The following GAREM1 variants were observed in gnomAD, a reference collection of about 807,000 sequenced individuals.
The protein encoded by GAREM1 is GRB2-associated and regulator of MAPK protein 1.
GAREM1 carries 26 observed loss-of-function variants against 71.3 expected under a neutral mutation model. The ratio of observed to expected loss-of-function variants is 0.36; its 90% CI spans 0.27 to 0.51. The LOEUF is 0.51. Among genes scored for constraint, GAREM1 ranks in the 20% least tolerant of loss-of-function variants. GAREM1 has a pLI of 0.95. For synonymous variants in GAREM1, 440 were observed against 433.2 expected, an observed-to-expected ratio of 1.02 and a Z score of -0.20; for missense variants, 1,026 against 1,103.1, an observed-to-expected ratio of 0.93 and a Z score of 0.99.
At chr18:32,434,997 C>T (rs1039512341) in intron 1 of GAREM1, among the ~76,000 whole-genome samples, 7 of 152,038 alleles carry the variant, frequency 4.6e-5, no homozygotes, top group African/African-American at 1.7e-4. Context: ...CACAATGCAC[C>T]GGGAAGAGCG....
chr18:32,379,705 TAA>T (rs1212821363), intron 2 of GAREM1, among the ~76,000 whole-genome samples: 2 of 140,396 alleles, frequency 1.4e-5, no homozygotes, highest in Admixed American at 7.1e-5. Context: ...ACTTGGTCTT[TAA>T]AAAAAAAAAA....
chr18:32,446,459 A>T (rs1420200879), intron 1 of GAREM1, among the ~76,000 whole-genome samples: 2 of 152,200 alleles, frequency 1.3e-5, no homozygotes, highest in Non-Finnish European at 2.9e-5. Context: ...ACTTCTGAGA[A>T]TCTAAGAGGG....
intron 2 of GAREM1, among the ~76,000 whole-genome samples, chr18:32,356,545 A>G (rs113339451): frequency 7.7e-4 from 117 of 152,312 alleles, no homozygotes; most frequent in African/African-American, 2.5e-3. Context: ...TCCTAAATAC[A>G]TAATAATAAC....
chr18:32,309,841 T>C (rs552533290), intron 3 of GAREM1, among the ~76,000 whole-genome samples: 1 of 152,270 alleles, frequency 6.6e-6, no homozygotes, highest in South Asian at 2.1e-4. Context: ...TTTGGTATTA[T>C]TTAGTTTCAT....
rs2047029455 is a variant in GAREM1, at chr18:32,287,228, A to G, written c.1369T>C (p.Trp457Arg). The G allele has an allele frequency of 6.2e-7, 1 of 1,614,208 alleles. No individual in the cohort carries two copies. Among genetic ancestry groups the G allele is most frequent in the African/African-American group, 1.3e-5 (1 of 75,068 alleles). The change falls in exon 4 of 6, where the codon TGG becomes CGG. Residue 457 changes from tryptophan (W) to arginine (R), a missense_variant. By Grantham distance (101) the Trp-to-Arg change is moderately radical (BLOSUM62 -3). Around this residue, in one of 3 missense-constraint regions of GAREM1, gnomAD observed 636 missense variants for 631.2 expected, o/e 1.01. Coordinates refer to ENST00000269209, the MANE Select transcript of GAREM1 (RefSeq NM_001242409.2). This position sits in a 1 kb window ranked among gnomAD's most constrained non-coding sequence, Gnocchi z 5.9. The stretch of plus-strand genomic sequence containing the variant: ...TGGCTGGGCTTGCCTTCCTCCAGCC[A>G]CAGCTCTTCGTAGGGAAGTTCTGAC... ...GKSELPYEEL[W>R]LEEGKPSHQP...
chr18:32,337,318 T>A (rs769483243), intron 2 of GAREM1, among the ~76,000 whole-genome samples: 5 of 152,202 alleles, frequency 3.3e-5, no homozygotes, highest in Non-Finnish European at 4.4e-5. Flanking sequence ...TTAAACGTCA[T>A]CCTGGCAAAA....
At chr18:32,345,251 C>T (rs776742131) in intron 2 of GAREM1, among the ~76,000 whole-genome samples, 12 of 152,148 alleles carry the variant, frequency 7.9e-5, no homozygotes, top group Non-Finnish European at 1.5e-4. Context: ...AAAACAACTA[C>T]AAACTAGTGA....
intron 2 of GAREM1, among the ~76,000 whole-genome samples, chr18:32,368,499 G>C (rs2047946513): frequency 1.3e-5 from 2 of 152,120 alleles, no homozygotes; most frequent in South Asian, 4.1e-4. Context: ...TTAAAAGAGA[G>C]GGTTCAAGAT....
chr18:32,458,096 C>T (rs539731889), intron 1 of GAREM1, among the ~76,000 whole-genome samples: 4 of 152,182 alleles, frequency 2.6e-5, no homozygotes, highest in East Asian at 3.9e-4. Context: ...GAAGTTGTGT[C>T]GTCTATCTCT....
chr18:32,453,868 C>A (rs1285539575), intron 1 of GAREM1, among the ~76,000 whole-genome samples: 2 of 152,076 alleles, frequency 1.3e-5, no homozygotes, highest in African/African-American at 2.4e-5. Context: ...CTATTGAACA[C>A]CTACATGTTA....
chr18:32,319,694 ATCT>A (rs2047411826), intron 2 of GAREM1, among the ~76,000 whole-genome samples: 1 of 152,196 alleles, frequency 6.6e-6, no homozygotes, highest in African/African-American at 2.4e-5. Flanking sequence ...TTACCCTCAG[ATCT>A]TCTTGCTGAA....
At chr18:32,372,316 G>A (rs1473194953) in intron 2 of GAREM1, among the ~76,000 whole-genome samples, 2 of 152,184 alleles carry the variant, frequency 1.3e-5, no homozygotes, top group African/African-American at 4.8e-5. Context: ...AAAAGGAAGT[G>A]TAGTTTCTCT....
At chr18:32,306,487 G>C (rs2047257662) in intron 3 of GAREM1, among the ~76,000 whole-genome samples, 1 of 151,836 alleles carries the variant, frequency 6.6e-6, no homozygotes, top group Non-Finnish European at 1.5e-5. Context: ...CTAAATGACA[G>C]TAACATCCTC....
intron 2 of GAREM1, among the ~76,000 whole-genome samples, chr18:32,335,181 G>C (rs2047577513): frequency 6.6e-6 from 1 of 152,128 alleles, no homozygotes; most frequent in Admixed American, 6.5e-5. Context: ...TTCAATTGTG[G>C]GCATTCTTCT....
intron 2 of GAREM1, among the ~76,000 whole-genome samples, chr18:32,318,708 T>C (rs1220075881): frequency 6.6e-6 from 1 of 152,176 alleles, no homozygotes; most frequent in Non-Finnish European, 1.5e-5. Flanking sequence ...TTTTACTGTC[T>C]GCCATCCCTT....
intron 5 of GAREM1, among the ~76,000 whole-genome samples, chr18:32,269,943 C>T (rs561625677): frequency 6.6e-6 from 1 of 152,072 alleles, no homozygotes; most frequent in South Asian, 2.1e-4. Flanking sequence ...TGGCAGCCCC[C>T]GGGTTGTTTC....
intron 1 of GAREM1, among the ~76,000 whole-genome samples, chr18:32,458,693 A>G (rs913026452): frequency 1.3e-5 from 2 of 152,044 alleles, no homozygotes; most frequent in African/African-American, 4.8e-5. Context: ...CAGGAAATTC[A>G]CAAACAAAAT....
chr18:32,269,159 C>T (rs993535064), intron 5 of GAREM1, among the ~76,000 whole-genome samples: 2 of 152,072 alleles, frequency 1.3e-5, no homozygotes, highest in South Asian at 2.1e-4. Context: ...AAATGAGTGG[C>T]GCATGCTTGC....
rs375669934 is a variant in GAREM1, at chr18:32,453,568, G to A, written c.121+16740C>T. Reference sequence around the variant, plus strand: ...CATTACCCCAATCTCTGCAACCATCGTTACCCTGCCTCCTTTTCTGTCTCA... The same window carrying A: ...CATTACCCCAATCTCTGCAACCATCATTACCCTGCCTCCTTTTCTGTCTCA... On this transcript the variant is annotated intron_variant, in intron 1 of 5. Transcript: ENST00000269209. Among the ~76,000 whole-genome samples the A allele has an allele frequency of 2.8e-4, 43 of 152,052 alleles. 1 individual carries two copies. The South Asian group carries it at 8.5e-3, about 30-fold the overall frequency.
Sources: gnomAD v4.1 joint callset for allele counts (sites outside exome capture counted in the v4.1 genomes callset) on GRCh38, gnomAD v4.1.1 for gene constraint, gnomAD v4.1.1 regional missense constraint, Gnocchi (gnomAD v3.1) non-coding constraint, MANE v1.5 for transcripts, NCBI Gene and HGNC (gene_info 2026-07-23, HGNC 2026-07-21) for gene names.